The following MAP4K3 variants were observed in gnomAD, a reference collection of about 807,000 sequenced individuals.
MAP4K3 encodes the protein mitogen-activated protein kinase kinase kinase kinase 3.
A neutral mutation model predicts 143.5 loss-of-function variants in MAP4K3; 94 were observed. That is an observed-to-expected ratio of 0.65 (90% CI 0.55 to 0.78). MAP4K3 has a LOEUF of 0.78. MAP4K3 is among the 30% of genes least tolerant of loss of function. The pLI is 0.00. For missense variants in MAP4K3, 1,077 were observed against 1,068.1 expected (o/e 1.01, Z -0.12); for synonymous variants, 416 against 347.2 (o/e 1.20, Z -2.20).
intron 13 of MAP4K3, among the ~76,000 whole-genome samples, chr2:39,314,261 C>T (rs1327413379): frequency 6.6e-6 from 1 of 152,104 alleles, no homozygotes; most frequent in Non-Finnish European, 1.5e-5. Context: ...AACTCCTGGC[C>T]TCAAGTGATC....
At chr2:39,401,625 C>G (rs1023371367) in intron 1 of MAP4K3, among the ~76,000 whole-genome samples, 1 of 152,000 alleles carries the variant, frequency 6.6e-6, no homozygotes, top group African/African-American at 2.4e-5. Flanking sequence ...CACGGCGAAA[C>G]CCATCTCTAC....
At chr2:39,384,852 A>AC (rs1666453618) in intron 1 of MAP4K3, among the ~76,000 whole-genome samples, 1 of 151,982 alleles carries the variant, frequency 6.6e-6, no homozygotes, top group Admixed American at 6.5e-5. Flanking sequence ...AACCACCACC[A>AC]CCACCACCAT....
At chr2:39,274,023 ATAC>A (rs1388412955) in intron 24 of MAP4K3, among the ~76,000 whole-genome samples, 1 of 152,232 alleles carries the variant, frequency 6.6e-6, no homozygotes. Context: ...AAAGTATCTG[ATAC>A]TACATCGATG....
chr2:39,411,044 T>C (rs1467568634), intron 1 of MAP4K3, among the ~76,000 whole-genome samples: 2 of 152,236 alleles, frequency 1.3e-5, no homozygotes, highest in Non-Finnish European at 2.9e-5. Flanking sequence ...ACAGAATCTA[T>C]GTCTTTTTAA....
In MAP4K3 at chr2:39,249,948, C is replaced by T. The variant is rs1345879212; in HGVS notation, c.*670G>A. 1 of 152,224 alleles carries T rather than the reference C, an allele frequency of 6.6e-6. No homozygotes were observed. The highest frequency in any genetic ancestry group is 1.5e-5 in the Non-Finnish European group (1 of 68,004). 9.4% of individuals were successfully genotyped at this position (152,224 alleles called of 1,614,324 possible). ...TGGTTTGCTTCACATAGAAAACAAT[C>T]CAAATACATTTGTGGAGCCAAATGC... is the stretch of plus-strand genomic sequence containing the variant. On this transcript the variant is annotated 3_prime_UTR_variant, in exon 34 of 34. Transcript: ENST00000263881.
At chr2:39,266,141 A>T (rs1239332195) in intron 27 of MAP4K3, among the ~76,000 whole-genome samples, 1 of 152,180 alleles carries the variant, frequency 6.6e-6, no homozygotes, top group Admixed American at 6.5e-5. Context: ...GGTAGAGTCA[A>T]GTAAATTTGC....
chr2:39,286,277 T>G (rs1195599188), intron 21 of MAP4K3, among the ~76,000 whole-genome samples: 1 of 152,218 alleles, frequency 6.6e-6, no homozygotes, highest in Non-Finnish European at 1.5e-5. Flanking sequence ...AATCTAATGC[T>G]GCAGCTGACC....
intron 28 of MAP4K3, among the ~76,000 whole-genome samples, chr2:39,264,795 A>G (rs947728626): frequency 6.6e-6 from 1 of 152,282 alleles, no homozygotes; most frequent in Non-Finnish European, 1.5e-5. Flanking sequence ...GGGTGGGTAT[A>G]TAACTAAAAA....
At chr2:39,256,209 G>A (rs151071573) in intron 31 of MAP4K3, among the ~76,000 whole-genome samples, 4 of 152,162 alleles carry the variant, frequency 2.6e-5, no homozygotes, top group Admixed American at 1.3e-4. Context: ...TATTAATAGG[G>A]TTTTATATTC....
chr2:39,279,019 G>A (rs567171203), intron 23 of MAP4K3, among the ~76,000 whole-genome samples: 3 of 152,222 alleles, frequency 2.0e-5, no homozygotes, highest in South Asian at 4.2e-4. Flanking sequence ...CATGGCCATC[G>A]TCCTTTCCAT....
chr2:39,418,615 G>A (rs1389887747), intron 1 of MAP4K3, among the ~76,000 whole-genome samples: 2 of 151,944 alleles, frequency 1.3e-5, no homozygotes, highest in Non-Finnish European at 2.9e-5. Context: ...AACATTGCCG[G>A]TGATCAAAGT....
intron 15 of MAP4K3, among the ~76,000 whole-genome samples, chr2:39,306,608 T>C (rs996957112): frequency 6.6e-6 from 1 of 152,180 alleles, no homozygotes; most frequent in African/African-American, 2.4e-5. Context: ...TCACTTCCTC[T>C]TTGATAATTT....
intron 2 of MAP4K3, among the ~76,000 whole-genome samples, chr2:39,364,051 G>A (rs1212050318): frequency 2.7e-5 from 4 of 148,880 alleles, no homozygotes; most frequent in African/African-American, 7.4e-5. Context: ...GAATACCCCC[G>A]TCCACTGTTG....
chr2:39,377,215 TAAACAGAAAAA>T (rs1558675587), intron 2 of MAP4K3, among the ~76,000 whole-genome samples: 2 of 150,092 alleles, frequency 1.3e-5, no homozygotes, highest in African/African-American at 2.4e-5. Context: ...TTTTTTTTTT[TAAACAGAAAAA>T]GTTTTTCCAC....
At chr2:39,391,426 A>C (rs1666656403) in intron 1 of MAP4K3, among the ~76,000 whole-genome samples, 1 of 151,716 alleles carries the variant, frequency 6.6e-6, no homozygotes, top group Admixed American at 6.6e-5. Flanking sequence ...CTAGAGATCA[A>C]CTGTGCACAC....
intron 22 of MAP4K3, 113 bp from the exon 23 acceptor site, chr2:39,280,469 T>A (rs1573089413): frequency 2.2e-6 from 1 of 462,466 alleles, no homozygotes; most frequent in East Asian, 3.5e-5. Flanking sequence ...TATACTGAAA[T>A]TATGATCATC....
intron 1 of MAP4K3, among the ~76,000 whole-genome samples, chr2:39,414,700 C>T (rs565445894): frequency 1.8e-4 from 27 of 152,084 alleles, no homozygotes; most frequent in African/African-American, 6.5e-4. Flanking sequence ...ACGGTGAAAC[C>T]CCGTCTCTAG....
chr2:39,296,607 G>T (rs1283342975), intron 16 of MAP4K3, among the ~76,000 whole-genome samples: 1 of 152,210 alleles, frequency 6.6e-6, no homozygotes, highest in East Asian at 1.9e-4. Context: ...ATTAGCTAAA[G>T]AATCAGTGCT....
Position 39,333,961 on chromosome 2 carries a change from TTGTGTG to T in MAP4K3, c.415-393_415-388del, listed in dbSNP as rs60361690. On this transcript the variant is annotated intron_variant, in intron 6 of 33. Coordinates refer to ENST00000263881, the MANE Select transcript of MAP4K3 (RefSeq NM_003618.4). ...TAAACTTGATTATTGTTTCCCATTT[TTGTGTG>T]TGTGTGTGTGTGTGTGTGTGTGTGT... Among the ~76,000 whole-genome samples the T allele has an allele frequency of 8.0e-3, 1,157 of 144,132 alleles. 8 individuals carry two copies. The highest frequency in any genetic ancestry group is 0.025 in the East Asian group (121 of 4,832). 94.6% of individuals were successfully genotyped at this position (144,132 alleles called of 152,430 possible).
Sources: gnomAD v4.1 joint callset for allele counts (sites outside exome capture counted in the v4.1 genomes callset) on GRCh38, gnomAD v4.1.1 for gene constraint, MANE v1.5 for transcripts, NCBI Gene and HGNC (gene_info 2026-07-23, HGNC 2026-07-21) for gene names.